CACNA2D3: variants seen among roughly 807,000 people sequenced by gnomAD.
CACNA2D3 encodes the protein voltage-dependent calcium channel subunit alpha-2/delta-3.
A neutral mutation model predicts 160.6 loss-of-function variants in CACNA2D3; 60 were observed. The ratio of observed to expected loss-of-function variants is 0.37; its 90% confidence interval spans 0.30 to 0.46. The LOEUF is 0.46. CACNA2D3 is among the 20% of genes least tolerant of loss of function. The pLI, the probability that CACNA2D3 is intolerant of heterozygous loss-of-function variation, is 1.00. For missense variants in CACNA2D3, 1,205 were observed against 1,365.0 expected (o/e 0.88, Z 1.85); for synonymous variants, 558 against 492.9 (o/e 1.13, Z -1.75).
At chr3:54,771,335 A>G (rs1702317581) in intron 13 of CACNA2D3, among the ~76,000 whole-genome samples, 2 of 152,206 alleles carry the variant, frequency 1.3e-5, no homozygotes, top group Admixed American at 6.5e-5. Flanking sequence ...GCACAAGTGT[A>G]TCATCTCCAG....
chr3:54,337,714 G>A (rs1401205173), intron 3 of CACNA2D3, among the ~76,000 whole-genome samples: 8 of 151,894 alleles, frequency 5.3e-5, no homozygotes, highest in Middle Eastern at 3.2e-3. Context: ...CCTCCTCCCC[G>A]TTAATAAGCC....
chr3:54,848,308 C>G (rs985477520), intron 17 of CACNA2D3, among the ~76,000 whole-genome samples: 2 of 152,240 alleles, frequency 1.3e-5, no homozygotes, highest in Admixed American at 6.5e-5. Context: ...AGTACAGATA[C>G]TTGTAAACAC....
intron 5 of CACNA2D3, among the ~76,000 whole-genome samples, chr3:54,531,415 C>T (rs2106641280): frequency 6.6e-6 from 1 of 152,100 alleles, no homozygotes; most frequent in East Asian, 1.9e-4. Flanking sequence ...CCCACTTAAT[C>T]AAAAAAATGG....
intron 12 of CACNA2D3, among the ~76,000 whole-genome samples, chr3:54,760,124 TAGAG>T (rs371833799): frequency 6.6e-6 from 1 of 152,300 alleles, no homozygotes; most frequent in African/African-American, 2.4e-5. Context: ...ATATTCCAGT[TAGAG>T]AGAACACAAT....
chr3:54,733,835 C>T (rs1239374614), intron 11 of CACNA2D3, among the ~76,000 whole-genome samples: 1 of 151,992 alleles, frequency 6.6e-6, no homozygotes, highest in Non-Finnish European at 1.5e-5. Flanking sequence ...TCTGAACTGT[C>T]AAGATAAAGG....
intron 13 of CACNA2D3, among the ~76,000 whole-genome samples, chr3:54,771,419 G>T (rs1355084339): frequency 2.0e-5 from 3 of 152,210 alleles, no homozygotes; most frequent in Non-Finnish European, 4.4e-5. Flanking sequence ...CTACAAGGAA[G>T]CGTTGGCTGC....
intron 4 of CACNA2D3, among the ~76,000 whole-genome samples, chr3:54,473,406 A>C (rs1559491792): frequency 6.6e-6 from 1 of 152,102 alleles, no homozygotes; most frequent in South Asian, 2.1e-4. Flanking sequence ...AGACTTAAAC[A>C]GAAAACCTAA....
At chr3:54,806,898 TG>T (rs1305230870) in intron 13 of CACNA2D3, among the ~76,000 whole-genome samples, 14 of 152,236 alleles carry the variant, frequency 9.2e-5, no homozygotes, top group African/African-American at 3.4e-4. Flanking sequence ...GAAATAATGC[TG>T]CATATCTACA....
At chr3:55,032,091 G>GT (rs1265468786) in intron 35 of CACNA2D3, among the ~76,000 whole-genome samples, 5 of 152,046 alleles carry the variant, frequency 3.3e-5, no homozygotes, top group Non-Finnish European at 7.4e-5. Context: ...CACATTTATT[G>GT]TTTTTTCCAT....
chr3:55,056,166 A>T (rs1704355551), intron 35 of CACNA2D3, among the ~76,000 whole-genome samples: 1 of 152,208 alleles, frequency 6.6e-6, no homozygotes, highest in Admixed American at 6.5e-5. Flanking sequence ...CACTTTTCAA[A>T]TGAAGACATA....
intron 4 of CACNA2D3, among the ~76,000 whole-genome samples, chr3:54,448,088 C>T (rs1700250272): frequency 6.6e-6 from 1 of 152,180 alleles, no homozygotes; most frequent in African/African-American, 2.4e-5. Flanking sequence ...TCCTACTTTT[C>T]TGCATCCATA....
chr3:54,498,344 A>G (rs1194823451), intron 4 of CACNA2D3, among the ~76,000 whole-genome samples: 1 of 151,988 alleles, frequency 6.6e-6, no homozygotes, highest in Non-Finnish European at 1.5e-5. Flanking sequence ...TTTGACATTT[A>G]ACCTAAGTTA....
chr3:54,838,820 T>A (rs535971452), intron 16 of CACNA2D3, among the ~76,000 whole-genome samples, 172 bp downstream of exon 16: 13 of 152,302 alleles, frequency 8.5e-5, no homozygotes, highest in African/African-American at 3.1e-4. Context: ...GTTTTTTTTT[T>A]ATTATTTACA....
chr3:54,773,605 G>A (rs1001352061), intron 13 of CACNA2D3, among the ~76,000 whole-genome samples: 9 of 152,118 alleles, frequency 5.9e-5, no homozygotes, highest in Admixed American at 2.0e-4. Context: ...TTCTGGCCCC[G>A]CAGTCATTAT....
At chr3:54,281,572 A>G (rs1219952051) in intron 2 of CACNA2D3, among the ~76,000 whole-genome samples, 1 of 152,156 alleles carries the variant, frequency 6.6e-6, no homozygotes, top group Non-Finnish European at 1.5e-5. Context: ...AGCTGTGCGA[A>G]CAGATGTGTG....
intron 27 of CACNA2D3, chr3:54,918,541 TG>T (rs1255111428): frequency 6.2e-7 from 1 of 1,613,990 alleles, no homozygotes; most frequent in Non-Finnish European, 8.5e-7. Context: ...CCCATGGTAC[TG>T]GGCTGTGATT....
At chr3:54,538,155 C>G (rs1274260995) in intron 5 of CACNA2D3, among the ~76,000 whole-genome samples, 10 of 152,104 alleles carry the variant, frequency 6.6e-5, no homozygotes, top group African/African-American at 2.4e-4. Flanking sequence ...TTTTAGATTA[C>G]TTAAGGATCT....
intron 2 of CACNA2D3, among the ~76,000 whole-genome samples, chr3:54,146,431 G>A (rs992206397): frequency 1.3e-5 from 2 of 152,220 alleles, no homozygotes; most frequent in African/African-American, 2.4e-5. Flanking sequence ...TCCCACTGCC[G>A]GGAGAGCAGG....
At chr3:55,038,350 T>C (rs1431821543) in intron 35 of CACNA2D3, among the ~76,000 whole-genome samples, 2 of 152,182 alleles carry the variant, frequency 1.3e-5, no homozygotes, top group Non-Finnish European at 2.9e-5. Context: ...TTCTATGGAA[T>C]AATAGCATCA....
Sources: gnomAD v4.1 joint callset for allele counts (sites outside exome capture counted in the v4.1 genomes callset) on GRCh38, gnomAD v4.1.1 for gene constraint, MANE v1.5 for transcripts, NCBI Gene and HGNC (gene_info 2026-07-23, HGNC 2026-07-21) for gene names.